Variants in DNAH3 observed in about 807,000 individuals in gnomAD.
The protein encoded by DNAH3 is dynein axonemal heavy chain 3, also known as axonemal beta dynein heavy chain 3.
A neutral mutation model predicts 432.5 loss-of-function variants in DNAH3; 332 were observed. The ratio of observed to expected loss-of-function variants is 0.77; its 90% CI spans 0.70 to 0.84. The LOEUF (loss-of-function observed/expected upper bound fraction) is 0.84, where lower values mean the gene tolerates loss of function less well. Among genes scored for constraint, DNAH3 ranks in the 40% least tolerant of loss-of-function variants. DNAH3 has a pLI of 0.00. For synonymous variants in DNAH3, 1,956 were observed against 1,900.2 expected, an observed-to-expected ratio of 1.03 and a Z score of -0.76; for missense variants, 4,861 against 5,114.0, an observed-to-expected ratio of 0.95 and a Z score of 1.51.
intron 10 of DNAH3, chr16:21,120,945 CT>C (rs769977135): frequency 1.1e-6 from 1 of 919,866 alleles, no homozygotes; most frequent in Non-Finnish European, 1.8e-6. Context: ...CCCAGTGTTT[CT>C]TCTCCTCCCA....
At chr16:21,016,399 G>A (rs372931866) in intron 41 of DNAH3, among the ~76,000 whole-genome samples, 3 of 152,128 alleles carry the variant, frequency 2.0e-5, no homozygotes, top group East Asian at 1.9e-4. Flanking sequence ...AATATTAATT[G>A]TGGCTCTCTT....
At chr16:20,977,827 G>A (rs1413775384) in intron 50 of DNAH3, among the ~76,000 whole-genome samples, 1 of 152,184 alleles carries the variant, frequency 6.6e-6, no homozygotes, top group African/African-American at 2.4e-5. Flanking sequence ...GGTCTAGACT[G>A]TCTTAGGTCC....
intron 39 of DNAH3, among the ~76,000 whole-genome samples, chr16:21,023,786 G>GGT (rs3220045): frequency 0.1 from 14,896 of 146,338 alleles, 824 homozygotes; most frequent in African/African-American, 0.16. Flanking sequence ...CAGCTTTTGG[G>GGT]GTGTGTGTGT....
At chr16:21,117,425 T>C (rs1028801791) in intron 11 of DNAH3, 86 bp from the exon 12 acceptor site, 2 of 739,098 alleles carry the variant, frequency 2.7e-6, no homozygotes, top group Non-Finnish European at 4.7e-6. Context: ...AATGCACTCA[T>C]TTCCAGGGCT....
At chr16:21,104,256 G>T in intron 16 of DNAH3, 1 of 460,062 alleles carries the variant, frequency 2.2e-6, no homozygotes, top group Non-Finnish European at 4.0e-6. Flanking sequence ...AGGAAGGGAA[G>T]ACATTAGCAG....
intron 24 of DNAH3, among the ~76,000 whole-genome samples, chr16:21,066,163 T>G (rs1022998623): frequency 2.0e-5 from 3 of 152,056 alleles, no homozygotes; most frequent in Non-Finnish European, 4.4e-5. Flanking sequence ...TTTTGTTTTT[T>G]TTTTTGTTTT....
At chr16:21,018,481 G>A (rs1047776241) in intron 41 of DNAH3, among the ~76,000 whole-genome samples, 4 of 152,142 alleles carry the variant, frequency 2.6e-5, no homozygotes, top group Admixed American at 1.3e-4. Context: ...AAGCGACTTA[G>A]AAGAAGCATC....
At chr16:21,046,448 T>C (rs957028899) in intron 31 of DNAH3, among the ~76,000 whole-genome samples, 1 of 151,226 alleles carries the variant, frequency 6.6e-6, no homozygotes, top group Non-Finnish European at 1.5e-5. Flanking sequence ...TTTGTCTCTT[T>C]TGATCTTTGT....
intron 34 of DNAH3, among the ~76,000 whole-genome samples, chr16:21,037,309 A>G (rs1333062204): frequency 6.7e-6 from 1 of 150,142 alleles, no homozygotes; most frequent in Non-Finnish European, 1.5e-5. Flanking sequence ...ACTCCATCTC[A>G]AAAAACAAAA....
At chr16:21,154,346 AG>A (rs1156827540) in intron 1 of DNAH3, among the ~76,000 whole-genome samples, 1 of 152,198 alleles carries the variant, frequency 6.6e-6, no homozygotes, top group South Asian at 2.1e-4. Flanking sequence ...TGGAGGTTGC[AG>A]TAAGCTGAGA....
chr16:21,081,738 A>G lies in DNAH3; in HGVS notation c.2878-11T>C, dbSNP rs769127899. 18 of 1,611,572 alleles carry G rather than the reference A, an allele frequency of 1.1e-5. No individual in the cohort carries two copies. The highest frequency in any genetic ancestry group is 1.5e-5 in the Non-Finnish European group (18 of 1,177,956). On this transcript the variant is annotated splice_polypyrimidine_tract_variant and intron_variant, in intron 19 of 61. Transcript: ENST00000261383. ...AACAATCTCACTGATCTGCAAAGAA[A>G]AGAGGAAAGCAAATGTTTGTTGTCC...
intron 21 of DNAH3, among the ~76,000 whole-genome samples, chr16:21,071,394 G>A (rs918323555): frequency 5.3e-5 from 8 of 150,136 alleles, no homozygotes; most frequent in East Asian, 2.0e-4. Context: ...GGCTGGTCTC[G>A]AACTCCTGGC....
intron 31 of DNAH3, among the ~76,000 whole-genome samples, chr16:21,044,303 G>A (rs1324360573): frequency 3.3e-5 from 5 of 150,938 alleles, no homozygotes; most frequent in Non-Finnish European, 5.9e-5. Context: ...TCCTACCCAT[G>A]AGCATGGAAT....
At chr16:21,140,513 G>C in intron 5 of DNAH3, 23 bp downstream of exon 6, 3 of 1,606,870 alleles carry the variant, frequency 1.9e-6, no homozygotes, top group Non-Finnish European at 2.6e-6. Flanking sequence ...CAAACCGAGG[G>C]AAAGGGGGCA....
At chr16:21,062,093 GA>G (rs2090379896) in intron 25 of DNAH3, among the ~76,000 whole-genome samples, 1 of 152,142 alleles carries the variant, frequency 6.6e-6, no homozygotes, top group South Asian at 2.1e-4. Context: ...AGCTCTCATT[GA>G]TTCTATGATG....
At chr16:21,150,614 T>C in intron 1 of DNAH3, 80 bp from the exon 2 acceptor site, 1 of 194,276 alleles carries the variant, frequency 5.1e-6, no homozygotes, top group Non-Finnish European at 1.1e-5. Flanking sequence ...CTCTGGTTCC[T>C]AGTCCCCCAG....
At chr16:20,989,634 G>A (rs1312954156) in intron 44 of DNAH3, among the ~76,000 whole-genome samples, 1 of 152,254 alleles carries the variant, frequency 6.6e-6, no homozygotes, top group African/African-American at 2.4e-5. Flanking sequence ...GTCCCGGGCG[G>A]TACGCTCGCA....
At chr16:21,037,708 A>G (rs941556471) in intron 34 of DNAH3, 53 bp downstream of exon 34, 11 of 1,524,646 alleles carry the variant, frequency 7.2e-6, no homozygotes, top group Non-Finnish European at 9.0e-6. Context: ...ACAACATTTC[A>G]TCTTCCAACA....
chr16:20,941,306 T>C, intron 59 of DNAH3, 95 bp downstream of exon 59: 1 of 1,507,006 alleles, frequency 6.6e-7, no homozygotes, highest in Non-Finnish European at 9.0e-7. Flanking sequence ...GGCAAACCAC[T>C]TCCTCTGCAT....
Sources: gnomAD v4.1 joint callset for allele counts (sites outside exome capture counted in the v4.1 genomes callset) on GRCh38, gnomAD v4.1.1 for gene constraint, MANE v1.5 for transcripts, NCBI Gene and HGNC (gene_info 2026-07-23, HGNC 2026-07-21) for gene names.